TTBK2: variants seen among roughly 807,000 people sequenced by gnomAD.
TTBK2 encodes the protein tau tubulin kinase 2.
In TTBK2, 28 loss-of-function variants were observed where a neutral mutation model predicts 110.8. The ratio of observed to expected loss-of-function variants is 0.25; its 90% confidence interval spans 0.19 to 0.35. The LOEUF is 0.35. Among genes scored for constraint, TTBK2 ranks in the 10% least tolerant of loss-of-function variants. The pLI is 1.00. For synonymous variants in TTBK2, 532 were observed against 527.3 expected, an observed-to-expected ratio of 1.01 and a Z score of -0.12; for missense variants, 1,369 against 1,500.3, an observed-to-expected ratio of 0.91 and a Z score of 1.45.
Position 42,810,732 on chromosome 15 carries a change from A to G in TTBK2, c.704T>C (p.Val235Ala). 6.2e-7 allele frequency: 1 copy of G among 1,613,670 alleles called. No individual in the cohort carries two copies. Among genetic ancestry groups the G allele is most frequent in the Non-Finnish European group, 8.5e-7 (1 of 1,179,846 alleles). The change falls in exon 9 of 15, where the codon GTA becomes GCA. Residue 235 changes from valine (V) to alanine (A), a missense_variant. Transcript: ENST00000267890. ...GTCATATCTCTCCTTAATAGAGCCT[A>G]CTTGCTCCTGGGAAGTAAAGAGAAA... ...PWRKIKDKEQVGSIKERYDHR... is the reference protein window; with the variant it reads ...PWRKIKDKEQAGSIKERYDHR...
At chr15:42,873,081 A>G (rs1376215284) in intron 2 of TTBK2, among the ~76,000 whole-genome samples, 1 of 152,222 alleles carries the variant, frequency 6.6e-6, no homozygotes, top group Non-Finnish European at 1.5e-5. Context: ...CACAAATGCC[A>G]GTCTACAACC....
intron 1 of TTBK2, among the ~76,000 whole-genome samples, chr15:42,910,953 A>G (rs1446573090): frequency 6.6e-6 from 1 of 151,710 alleles, no homozygotes; most frequent in Non-Finnish European, 1.5e-5. Flanking sequence ...CTGAAACAGG[A>G]GAATTGCTTG....
At chr15:42,875,715 T>C (rs916474497) in intron 2 of TTBK2, among the ~76,000 whole-genome samples, 4 of 151,996 alleles carry the variant, frequency 2.6e-5, no homozygotes, top group Non-Finnish European at 5.9e-5. Flanking sequence ...CAGACCAGAC[T>C]GGCCAACATG....
chr15:42,763,143 CATATATATATAT>C lies in TTBK2; in HGVS notation c.1999-9908_1999-9897del, dbSNP rs1225785018. Reference sequence around the variant, plus strand: ...ACACATATATATACATATATACATACATATATATATATACATATATATATATATATATATATA... The same window carrying C: ...ACACATATATATACATATATACATACACATATATATATATATATATATATA... On this transcript the variant is annotated intron_variant, in intron 13 of 14. Transcript: ENST00000267890. Among the ~76,000 whole-genome samples, 8 of 51,152 alleles carry C rather than the reference CATATATATATAT, an allele frequency of 1.6e-4. 1 individual carries two copies. Among genetic ancestry groups the C allele is most frequent in the African/African-American group, 8.6e-4 (8 of 9,252 alleles). The allele number at this position is 51,152 out of a possible 152,430, so 33.6% of individuals were successfully genotyped here.
intron 9 of TTBK2, among the ~76,000 whole-genome samples, chr15:42,805,589 G>A (rs957359000): frequency 2.6e-5 from 4 of 152,140 alleles, no homozygotes; most frequent in African/African-American, 9.7e-5. Context: ...AGGCGTAATG[G>A]GGCAGAGGCA....
intron 9 of TTBK2, among the ~76,000 whole-genome samples, chr15:42,806,471 T>C (rs1368293583): frequency 6.6e-6 from 1 of 152,192 alleles, no homozygotes; most frequent in African/African-American, 2.4e-5. Flanking sequence ...TGTGTTGTAC[T>C]TAGAATAAAA....
rs2061772105 is a variant in TTBK2 at position 42,744,955 on chromosome 15, A to G, written c.*840T>C. ...GGACACTTAACAGAGATGAAAGGGC[A>G]TCTTCTATCTTGAAGGCTATTAACC... On this transcript the variant is annotated 3_prime_UTR_variant, in exon 15 of 15. Transcript: ENST00000267890. 6.5e-6 allele frequency: 1 copy of G among 154,470 alleles called. No homozygotes were observed. The allele number at this position is 154,470 out of a possible 1,614,324, so 9.6% of individuals were successfully genotyped here.
At chr15:42,801,605 A>G (rs1891208000) in intron 9 of TTBK2, 2 of 791,068 alleles carry the variant, frequency 2.5e-6, no homozygotes, top group Non-Finnish European at 4.6e-6. Context: ...GCGGTTGGCA[A>G]TCTCCTCGTA....
chr15:42,836,067 T>C (rs548168504), intron 4 of TTBK2, among the ~76,000 whole-genome samples: 15 of 152,270 alleles, frequency 9.9e-5, no homozygotes, highest in African/African-American at 2.4e-4. Flanking sequence ...TATATCACAC[T>C]TTGGTTATAC....
At chr15:42,846,332 G>A (rs1249492518) in intron 3 of TTBK2, among the ~76,000 whole-genome samples, 2 of 152,088 alleles carry the variant, frequency 1.3e-5, no homozygotes, top group African/African-American at 4.8e-5. Context: ...TGGGATTACA[G>A]GCGTGCACCA....
At chr15:42,897,188 T>A (rs993466098) in intron 1 of TTBK2, among the ~76,000 whole-genome samples, 23 of 152,164 alleles carry the variant, frequency 1.5e-4, no homozygotes, top group Non-Finnish European at 2.9e-4. Flanking sequence ...CTTTTAGTTT[T>A]TAATACAGTA....
chr15:42,906,754 G>C (rs1164954640), intron 1 of TTBK2, among the ~76,000 whole-genome samples: 2 of 152,162 alleles, frequency 1.3e-5, no homozygotes, highest in African/African-American at 4.8e-5. Flanking sequence ...CAGAATGGGA[G>C]AAAATATTTG....
In TTBK2 at chr15:42,794,708, G is replaced by A. The variant is rs1407118607; in HGVS notation, c.916C>T (p.Leu306=). 2 of 1,614,136 alleles carry A rather than the reference G, an allele frequency of 1.2e-6. No homozygotes were observed. The highest frequency in any genetic ancestry group is 2.2e-5 in the South Asian group (2 of 91,086). The change falls in exon 10 of 15, where the codon CTA becomes TTA. Residue 306 remains leucine, a synonymous_variant. Coordinates refer to ENST00000267890, the MANE Select transcript of TTBK2 (RefSeq NM_173500.4). ...GTGGTAGAAGTAGTGGTGGTTGTTA[G>A]GGAGCCATCATTTCCAGTCTTCTCC... The part of the protein sequence containing the change: ...DWEKTGNDGS[L]TTTTTSTTPQ...
intron 1 of TTBK2, among the ~76,000 whole-genome samples, chr15:42,890,657 G>A (rs1895418590): frequency 6.6e-6 from 1 of 152,090 alleles, no homozygotes; most frequent in Non-Finnish European, 1.5e-5. Context: ...CCAAATTCCT[G>A]GCAGTGCTTG....
At chr15:42,874,617 G>A (rs1243633800) in intron 2 of TTBK2, among the ~76,000 whole-genome samples, 14 of 150,152 alleles carry the variant, frequency 9.3e-5, no homozygotes, top group African/African-American at 9.8e-5. Flanking sequence ...ACACCCGGCC[G>A]ATCCTGCTTT....
chr15:42,833,120 G>A (rs991808802), intron 4 of TTBK2, among the ~76,000 whole-genome samples: 1 of 151,344 alleles, frequency 6.6e-6, no homozygotes. Flanking sequence ...CCTGGGTGAT[G>A]TAATATTACA....
rs933067569 is a variant in TTBK2 at position 42,810,736 on chromosome 15, G to C, written c.700C>G (p.Gln234Glu). Reference protein sequence around the residue: ...LPWRKIKDKEQVGSIKERYDH... With the variant: ...LPWRKIKDKEEVGSIKERYDH... ...TATCTCTCCTTAATAGAGCCTACTT[G>C]CTCCTGGGAAGTAAAGAGAAAAAGA... Residue 234 changes from glutamine (Q) to glutamate (E), a missense_variant, in exon 9 of 15, where the codon CAA (glutamine) becomes GAA (glutamate). Physicochemically the swap from Gln to Glu is conservative, Grantham distance 29 (BLOSUM62 2). This residue lies in a region of TTBK2 where 138 missense variants were observed against 179.0 expected (regional missense o/e 0.77). Coordinates refer to ENST00000267890, the MANE Select transcript of TTBK2 (RefSeq NM_173500.4). 3.7e-6 allele frequency: 6 copies of C among 1,613,414 alleles called. No individual in the cohort carries two copies. Among genetic ancestry groups the C allele is most frequent in the Middle Eastern group, 1.6e-4 (1 of 6,082 alleles).
At chr15:42,848,087 T>C (rs942554921) in intron 3 of TTBK2, among the ~76,000 whole-genome samples, 1 of 152,230 alleles carries the variant, frequency 6.6e-6, no homozygotes, top group Admixed American at 6.5e-5. Flanking sequence ...TACATTTTTA[T>C]TGTATAAACA....
chr15:42,775,002 T>G (rs1450553437), intron 13 of TTBK2, 133 bp downstream of exon 13: 1 of 868,642 alleles, frequency 1.2e-6, no homozygotes, highest in East Asian at 2.5e-5. Context: ...TAGAACTTAG[T>G]ACAAAATCAC....
Sources: gnomAD v4.1 joint callset for allele counts (sites outside exome capture counted in the v4.1 genomes callset) on GRCh38, gnomAD v4.1.1 for gene constraint, gnomAD v4.1.1 regional missense constraint, MANE v1.5 for transcripts, NCBI Gene and HGNC (gene_info 2026-07-23, HGNC 2026-07-21) for gene names.